STH: variants seen among roughly 807,000 people sequenced by gnomAD.
STH encodes saitohin, also known as microtubule-associated protein tau (MAPT) intronic transcript.
For synonymous variants in STH, 36 were observed against 59.1 expected (o/e 0.61, Z 1.79); for missense variants, 131 against 151.5 (o/e 0.86, Z 0.71).
the STH span, chr17:45,999,496 AT>A: frequency 6.2e-7 from 1 of 1,614,010 alleles, no homozygotes; most frequent in South Asian, 1.1e-5. Flanking sequence ...TGTGGGCACC[AT>A]TTGGCCCAGT....
rs751125054 is a variant in STH at position 45,999,275 on chromosome 17, G to C, written c.-5G>C. ...GCATGTGTCTGCTGCTCCCTAGTCT[G>C]GGCCATGAGTGAGGGTGGAGGCCAA... On this transcript the variant is annotated 5_prime_UTR_variant, in exon 1 of 1. Transcript: ENST00000537309. 1 of 1,612,192 alleles carries C rather than the reference G, an allele frequency of 6.2e-7. No homozygotes were observed. Among genetic ancestry groups the C allele is most frequent in the South Asian group, 1.1e-5 (1 of 90,940 alleles).
chr17:45,999,683 G>C lies in STH; in HGVS notation c.*17G>C, dbSNP rs748009013. 6.4e-7 allele frequency: 1 copy of C among 1,563,440 alleles called. No individual in the cohort carries two copies. The highest frequency in any genetic ancestry group is 1.2e-5 in the South Asian group (1 of 82,020). ...CAAGTGTAGAAAGGGGCAGATGGGA[G>C]CCCCAGGTTATGACGTCACCATGCT... is the stretch of plus-strand genomic sequence containing the variant. On this transcript the variant is annotated 3_prime_UTR_variant, in exon 1 of 1. Coordinates refer to ENST00000537309, the MANE Select transcript of STH (RefSeq NM_001007532.3).
At position 45,999,435 on chromosome 17, in the gene STH, G is replaced by C; in HGVS notation, c.156G>C (p.Trp52Cys). Residue 52 changes from tryptophan to cysteine, a missense_variant, in exon 1 of 1, where the codon TGG becomes TGC. Physicochemically the swap from Trp to Cys is radical, Grantham distance 215. Coordinates refer to ENST00000537309, the MANE Select transcript of STH (RefSeq NM_001007532.3). ...VARDRTLSLA[W>C]EVASLLTLSS... The stretch of plus-strand genomic sequence containing the variant: ...GAGACAGAACCCTCAGCTTAGCATG[G>C]GAAGTAGCTTCCCTGTTGACCCTGA... The C allele has an allele frequency of 1.9e-6, 3 of 1,614,048 alleles. No homozygotes were observed. The highest frequency in any genetic ancestry group is 2.5e-6 in the Non-Finnish European group (3 of 1,179,898).
At position 45,999,581 on chromosome 17, in the gene STH, A is replaced by T; in HGVS notation, c.302A>T (p.Gln101Leu). The change falls in exon 1 of 1, where the codon CAG becomes CTG. Residue 101 changes from glutamine to leucine, a missense_variant. Transcript: ENST00000537309. ...CAACTTTCCATTGAAGGCCCCTTTCAGGGCCAGAACTGTCCCTCCCACCCT... is the reference window on the plus strand; with the variant it reads ...CAACTTTCCATTGAAGGCCCCTTTCTGGGCCAGAACTGTCCCTCCCACCCT... ...GRQLSIEGPFQGQNCPSHPAA... is the reference protein window; with the variant it reads ...GRQLSIEGPFLGQNCPSHPAA... 6.2e-7 allele frequency: 1 copy of T among 1,612,436 alleles called. No homozygotes were observed. The highest frequency in any genetic ancestry group is 8.5e-7 in the Non-Finnish European group (1 of 1,179,252).
rs62063858 is a variant in STH, at chr17:45,999,614, C to A, written c.335C>A (p.Ala112Asp). The A allele has an allele frequency of 1.9e-6, 3 of 1,612,210 alleles. No homozygotes were observed. Among genetic ancestry groups the A allele is most frequent in the Non-Finnish European group, 2.5e-6 (3 of 1,179,154 alleles). ...GQNCPSHPAA[A>D]LPLPMRGESQ... ...AACTGTCCCTCCCACCCTGCAGCTG[C>A]CCTGCCTCTGCCCATGAGGGGTGAG... Residue 112 changes from alanine to aspartate, a missense_variant, in exon 1 of 1, where the codon GCC (alanine) becomes GAC (aspartate). By Grantham distance (126) the Ala-to-Asp change is moderately radical. Transcript: ENST00000537309.
rs1424789754 is a variant in STH, at chr17:45,999,632, G to A, written c.353G>A (p.Arg118Lys). Residue 118 changes from arginine (R) to lysine (K), a missense_variant, in exon 1 of 1, where the codon AGG (arginine) becomes AAG (lysine). Physicochemically the swap from Arg to Lys is conservative, Grantham distance 26 (BLOSUM62 2). Coordinates refer to ENST00000537309, the MANE Select transcript of STH (RefSeq NM_001007532.3). ...HPAAALPLPM[R>K]GESQATSCQV ...GCAGCTGCCCTGCCTCTGCCCATGA[G>A]GGGTGAGAGTCAGGCGACCTCATGC... The A allele has an allele frequency of 6.2e-7, 1 of 1,610,872 alleles. No homozygotes were observed. Among genetic ancestry groups the A allele is most frequent in the Admixed American group, 1.7e-5 (1 of 59,698 alleles).
chr17:45,999,662 TGTAGAAAGG>T lies in STH; in HGVS notation c.385_*6del. 6.3e-7 allele frequency: 1 copy of T among 1,599,240 alleles called. No homozygotes were observed. The highest frequency in any genetic ancestry group is 8.5e-7 in the Non-Finnish European group (1 of 1,172,818). On this transcript the variant is annotated stop_lost and 3_prime_UTR_variant, in exon 1 of 1. Transcript: ENST00000537309. ...GAGAGTCAGGCGACCTCATGCCAAG[TGTAGAAAGG>T]GGCAGATGGGAGCCCCAGGTTATGA...
chr17:45,999,648 G>A lies in STH; in HGVS notation c.369G>A (p.Ala123=), dbSNP rs764685854. Residue 123 remains alanine, a synonymous_variant, in exon 1 of 1, where the codon GCG becomes GCA. Transcript: ENST00000537309. ...LPLPMRGESQ[A]TSCQV ...TGCCCATGAGGGGTGAGAGTCAGGC[G>A]ACCTCATGCCAAGTGTAGAAAGGGG... 75 of 1,605,600 alleles carry A rather than the reference G, an allele frequency of 4.7e-5. No homozygotes were observed. The highest frequency in any genetic ancestry group is 9.4e-5 in the African/African-American group (7 of 74,726).
At position 45,999,361 on chromosome 17, in the gene STH, G is replaced by T; in HGVS notation, c.82G>T (p.Gly28Trp). 6.2e-7 allele frequency: 1 copy of T among 1,614,014 alleles called. No homozygotes were observed. The highest frequency in any genetic ancestry group is 2.2e-5 in the East Asian group (1 of 44,882). Reference sequence around the variant, plus strand: ...CAGGTGGCCGGCCCTCATTGAATGCGGGGTTAATTTAACTCAGCCTCTGTG... The same window carrying T: ...CAGGTGGCCGGCCCTCATTGAATGCTGGGTTAATTTAACTCAGCCTCTGTG... ...LCRWPALIEC[G>W]VNLTQPLCEW... The change falls in exon 1 of 1, where the codon GGG becomes TGG. Residue 28 changes from glycine (G) to tryptophan (W), a missense_variant. Physicochemically the swap from Gly to Trp is radical, Grantham distance 184. Transcript: ENST00000537309.
rs772994199 is a variant in STH, at chr17:45,999,625, C to A, written c.346C>A (p.Pro116Thr). ...CCACCCTGCAGCTGCCCTGCCTCTGCCCATGAGGGGTGAGAGTCAGGCGAC... is the reference window on the plus strand; with the variant it reads ...CCACCCTGCAGCTGCCCTGCCTCTGACCATGAGGGGTGAGAGTCAGGCGAC... ...PSHPAAALPL[P>T]MRGESQATSC... The change falls in exon 1 of 1, where the codon CCC (proline) becomes ACC (threonine). Residue 116 changes from proline to threonine, a missense_variant. By Grantham distance (38) the Pro-to-Thr change is conservative (BLOSUM62 -1). Coordinates refer to ENST00000537309, the MANE Select transcript of STH (RefSeq NM_001007532.3). 19 of 1,611,394 alleles carry A rather than the reference C, an allele frequency of 1.2e-5. No individual in the cohort carries two copies. The Admixed American group carries it at 2.8e-4, about 24-fold the overall frequency.
chr17:45,999,572 G>T lies in STH; in HGVS notation c.293G>T (p.Gly98Val), dbSNP rs746030536. ...CAGGGAAGACAACTTTCCATTGAAG[G>T]CCCCTTTCAGGGCCAGAACTGTCCC... ...AEQGRQLSIEGPFQGQNCPSH... is the reference protein window; with the variant it reads ...AEQGRQLSIEVPFQGQNCPSH... The change falls in exon 1 of 1, where the codon GGC (glycine) becomes GTC (valine). Residue 98 changes from glycine (G) to valine (V), a missense_variant. Physicochemically the swap from Gly to Val is moderately radical, Grantham distance 109. Transcript: ENST00000537309. 1.2e-5 allele frequency: 19 copies of T among 1,612,554 alleles called. No individual in the cohort carries two copies. Among genetic ancestry groups the T allele is most frequent in the East Asian group, 2.2e-5 (1 of 44,840 alleles).
Position 45,999,290 on chromosome 17 carries a change from G to A in STH, c.11G>A (p.Gly4Asp). The A allele has an allele frequency of 6.2e-7, 1 of 1,613,216 alleles. No homozygotes were observed. Among genetic ancestry groups the A allele is most frequent in the South Asian group, 1.1e-5 (1 of 91,036 alleles). ...TCCCTAGTCTGGGCCATGAGTGAGG[G>A]TGGAGGCCAAGTCTCATGCATTTTT... MSE[G>D]GGQVSCIFAA... The change falls in exon 1 of 1, where the codon GGT becomes GAT. Residue 4 changes from glycine to aspartate, a missense_variant. Gly to Asp is a moderately conservative substitution (Grantham distance 94, BLOSUM62 -1). Coordinates refer to ENST00000537309, the MANE Select transcript of STH (RefSeq NM_001007532.3).
chr17:45,999,344 C>T lies in STH; in HGVS notation c.65C>T (p.Pro22Leu), dbSNP rs543012879. The T allele has an allele frequency of 7.4e-5, 119 of 1,613,972 alleles. No homozygotes were observed. The Middle Eastern group carries it at 1.3e-3, about 18-fold the overall frequency. Reference protein sequence around the residue: ...FAAPTRLCRWPALIECGVNLT... With the variant: ...FAAPTRLCRWLALIECGVNLT... ...GCCCCCACAAGACTGTGCAGGTGGCCGGCCCTCATTGAATGCGGGGTTAAT... is the reference window on the plus strand; with the variant it reads ...GCCCCCACAAGACTGTGCAGGTGGCTGGCCCTCATTGAATGCGGGGTTAAT... Residue 22 changes from proline to leucine, a missense_variant, in exon 1 of 1, where the codon CCG becomes CTG. Transcript: ENST00000537309.
chr17:45,999,408 C>T lies in STH; in HGVS notation c.129C>T (p.Ala43=). ...TGTGTGAGTGGATGATTCAGGTTGC[C>T]AGAGACAGAACCCTCAGCTTAGCAT... ...QPLCEWMIQV[A]RDRTLSLAWE... Residue 43 remains alanine (A), a synonymous_variant, in exon 1 of 1, where the codon GCC becomes GCT. Coordinates refer to ENST00000537309, the MANE Select transcript of STH (RefSeq NM_001007532.3). 6.2e-7 allele frequency: 1 copy of T among 1,614,054 alleles called. No individual in the cohort carries two copies. Among genetic ancestry groups the T allele is most frequent in the Middle Eastern group, 1.6e-4 (1 of 6,062 alleles).
At position 45,999,328 on chromosome 17, in the gene STH, A is replaced by G. The variant is rs772273450; in HGVS notation, c.49A>G (p.Arg17Gly). ...QVSCIFAAPTRLCRWPALIEC... is the reference protein window; with the variant it reads ...QVSCIFAAPTGLCRWPALIEC... ...CTCATGCATTTTTGCAGCCCCCACAAGACTGTGCAGGTGGCCGGCCCTCAT... is the reference window on the plus strand; with the variant it reads ...CTCATGCATTTTTGCAGCCCCCACAGGACTGTGCAGGTGGCCGGCCCTCAT... Residue 17 changes from arginine (R) to glycine (G), a missense_variant, in exon 1 of 1, where the codon AGA becomes GGA. Transcript: ENST00000537309. The G allele has an allele frequency of 3.1e-6, 5 of 1,613,936 alleles. No individual in the cohort carries two copies. In the Admixed American group the frequency reaches 8.3e-5, roughly 27 times the overall value.
In STH at chr17:45,999,490, G is replaced by A. The variant is rs746124797; in HGVS notation, c.211G>A (p.Gly71Ser). The A allele has an allele frequency of 5.6e-6, 9 of 1,614,012 alleles. No homozygotes were observed. The highest frequency in any genetic ancestry group is 1.1e-5 in the South Asian group (1 of 91,080). ...SSSEVGLEGVGTIWPSSYSSE... is the reference protein window; with the variant it reads ...SSSEVGLEGVSTIWPSSYSSE... ...ATCTGAGGTTGGCTTGGAAGGTGTG[G>A]GCACCATTTGGCCCAGTTCTTACAG... The change falls in exon 1 of 1, where the codon GGC becomes AGC. Residue 71 changes from glycine to serine, a missense_variant. Transcript: ENST00000537309.
chr17:45,999,449 T>G lies in STH; in HGVS notation c.170T>G (p.Leu57Arg). Reference protein sequence around the residue: ...TLSLAWEVASLLTLSSSEVGL... With the variant: ...TLSLAWEVASRLTLSSSEVGL... ...AGCTTAGCATGGGAAGTAGCTTCCC[T>G]GTTGACCCTGAGTTCATCTGAGGTT... Residue 57 changes from leucine (L) to arginine (R), a missense_variant, in exon 1 of 1, where the codon CTG (leucine) becomes CGG (arginine). Coordinates refer to ENST00000537309, the MANE Select transcript of STH (RefSeq NM_001007532.3). The G allele has an allele frequency of 6.2e-7, 1 of 1,614,058 alleles. No individual in the cohort carries two copies. Among genetic ancestry groups the G allele is most frequent in the Non-Finnish European group, 8.5e-7 (1 of 1,179,884 alleles).
chr17:45,999,571 G>C lies in STH; in HGVS notation c.292G>C (p.Gly98Arg). The change falls in exon 1 of 1, where the codon GGC becomes CGC. Residue 98 changes from glycine (G) to arginine (R), a missense_variant. Gly to Arg is a moderately radical substitution (Grantham distance 125). Coordinates refer to ENST00000537309, the MANE Select transcript of STH (RefSeq NM_001007532.3). ...GCAGGGAAGACAACTTTCCATTGAA[G>C]GCCCCTTTCAGGGCCAGAACTGTCC... is the stretch of plus-strand genomic sequence containing the variant. ...AEQGRQLSIE[G>R]PFQGQNCPSH... is the part of the protein sequence containing the mutation. 6.2e-7 allele frequency: 1 copy of C among 1,612,728 alleles called. No homozygotes were observed. The highest frequency in any genetic ancestry group is 8.5e-7 in the Non-Finnish European group (1 of 1,179,364).
chr17:45,999,550 G>C lies in STH; in HGVS notation c.271G>C (p.Gly91Arg), dbSNP rs2074813817. ...EESSRNGAEQ[G>R]RQLSIEGPFQ... is the part of the protein sequence containing the mutation. ...GAGCAGCAGGAATGGGGCTGAGCAG[G>C]GAAGACAACTTTCCATTGAAGGCCC... The change falls in exon 1 of 1, where the codon GGA becomes CGA. Residue 91 changes from glycine to arginine, a missense_variant. By Grantham distance (125) the Gly-to-Arg change is moderately radical. Transcript: ENST00000537309. 6.2e-7 allele frequency: 1 copy of C among 1,613,328 alleles called. No homozygotes were observed. Among genetic ancestry groups the C allele is most frequent in the Non-Finnish European group, 8.5e-7 (1 of 1,179,614 alleles).
Sources: allele counts gnomAD v4.1 joint callset, GRCh38; gene constraint gnomAD v4.1.1; transcripts MANE v1.5; gene names NCBI Gene and HGNC (gene_info 2026-07-23, HGNC 2026-07-21).